KATNBL1: variants seen among roughly 807,000 people sequenced by gnomAD.
KATNBL1 encodes KATNB1-like protein 1.
KATNBL1 carries 28 observed loss-of-function variants against 44.7 expected under a neutral mutation model. That is an observed-to-expected ratio of 0.63 (90% CI 0.46 to 0.86). KATNBL1 has a LOEUF of 0.86. KATNBL1 is among the 40% of genes least tolerant of loss of function. The pLI, the probability that KATNBL1 is intolerant of heterozygous loss-of-function variation, is 0.00. For missense variants in KATNBL1, 272 were observed against 350.7 expected (o/e 0.78, Z 1.79); for synonymous variants, 78 against 114.9 (o/e 0.68, Z 2.06).
intron 1 of KATNBL1, among the ~76,000 whole-genome samples, chr15:34,174,209 T>G (rs1256374458): frequency 6.6e-6 from 1 of 152,140 alleles, no homozygotes; most frequent in African/African-American, 2.4e-5. Context: ...TAAAAAGAGG[T>G]AAGATTTCTA....
chr15:34,140,878 T>C lies in KATNBL1; in HGVS notation c.*1461A>G, dbSNP rs1341927098. ...CAATTCATGTTCACTGTGAGGAATA[T>C]CTAGCTATATAAAATATAGCTACAC... On this transcript the variant is annotated 3_prime_UTR_variant, in exon 10 of 10. Transcript: ENST00000256544. 1 of 152,144 alleles carries C rather than the reference T, an allele frequency of 6.6e-6. No individual in the cohort carries two copies. The highest frequency in any genetic ancestry group is 2.4e-5 in the African/African-American group (1 of 41,438). The allele number at this position is 152,144 out of a possible 1,614,324, so 9.4% of individuals were successfully genotyped here.
chr15:34,207,357 T>G (rs1251763935), intron 1 of KATNBL1, among the ~76,000 whole-genome samples: 1 of 152,062 alleles, frequency 6.6e-6, no homozygotes, highest in Non-Finnish European at 1.5e-5. Context: ...TACAGGCGTG[T>G]GACACCACGC....
At chr15:34,147,515 AG>A (rs1380993558) in intron 5 of KATNBL1, 85 bp from the exon 6 acceptor site, 5 of 1,064,394 alleles carry the variant, frequency 4.7e-6, no homozygotes, top group Non-Finnish European at 7.0e-6. Context: ...ACCGCTTTTG[AG>A]AAATTCATTC....
chr15:34,144,307 A>G (rs1466473216), intron 9 of KATNBL1, among the ~76,000 whole-genome samples: 1 of 151,948 alleles, frequency 6.6e-6, no homozygotes, highest in African/African-American at 2.4e-5. Context: ...GGTTTGCCCA[A>G]GCCTCTGTTT....
At chr15:34,158,044 C>T (rs913724629) in intron 2 of KATNBL1, among the ~76,000 whole-genome samples, 4 of 152,170 alleles carry the variant, frequency 2.6e-5, no homozygotes, top group Non-Finnish European at 5.9e-5. Context: ...GGCATCTTGG[C>T]GTAATCAACT....
rs1597458593 is a variant in KATNBL1, at chr15:34,191,182, TATATA to T, written c.-15+18764_-15+18768del. On this transcript the variant is annotated intron_variant, in intron 1 of 9. Transcript: ENST00000256544. ...ATATATATATATATATATATATATATATATATTTGGTAGGGCTTCTTTCACTTAGC... is the reference window on the plus strand; with the variant it reads ...ATATATATATATATATATATATATATTTTGGTAGGGCTTCTTTCACTTAGC... Among the ~76,000 whole-genome samples, 32 of 133,750 alleles carry T rather than the reference TATATA, an allele frequency of 2.4e-4. No individual in the cohort carries two copies. In the East Asian group the frequency reaches 6.4e-3, roughly 27 times the overall value. The allele number at this position is 133,750 out of a possible 152,430, so 87.7% of individuals were successfully genotyped here. A position where few individuals can be genotyped will look rare whatever the true frequency, so the allele number is the denominator to read the frequency against.
Position 34,148,625 on chromosome 15 carries a change from C to T in KATNBL1, c.557+7G>A. Reference sequence around the variant, plus strand: ...ATTGAACAAAGAGGATAAAAGGTCACACTTACCTCAACAAATAAGCTACAA... The same window carrying T: ...ATTGAACAAAGAGGATAAAAGGTCATACTTACCTCAACAAATAAGCTACAA... On this transcript the variant is annotated splice_region_variant and intron_variant, in intron 5 of 9. Coordinates refer to ENST00000256544, the MANE Select transcript of KATNBL1 (RefSeq NM_024713.3). 6.9e-7 allele frequency: 1 copy of T among 1,443,396 alleles called. No individual in the cohort carries two copies. Among genetic ancestry groups the T allele is most frequent in the Non-Finnish European group, 9.7e-7 (1 of 1,026,286 alleles). 89.4% of individuals were successfully genotyped at this position (1,443,396 alleles called of 1,614,324 possible). A position where few individuals can be genotyped will look rare whatever the true frequency, so the allele number is the denominator to read the frequency against.
At chr15:34,186,294 T>C (rs917247876) in intron 1 of KATNBL1, among the ~76,000 whole-genome samples, 1 of 152,136 alleles carries the variant, frequency 6.6e-6, no homozygotes, top group Non-Finnish European at 1.5e-5. Context: ...CCCCGCCCCT[T>C]CTGAGTTGGG....
intron 1 of KATNBL1, among the ~76,000 whole-genome samples, chr15:34,188,163 A>AAAAAAAAAAAAAAAAAAAAAAAAC (rs1889774872): frequency 6.7e-6 from 1 of 148,464 alleles, no homozygotes; most frequent in Non-Finnish European, 1.5e-5. Flanking sequence ...AAAAAAAAAA[A>AAAAAAAAAAAAAAAAAAAAAAAAC]AAGAAAATTC....
chr15:34,185,309 T>C (rs1006537470), intron 1 of KATNBL1, among the ~76,000 whole-genome samples: 4 of 152,206 alleles, frequency 2.6e-5, no homozygotes, highest in Non-Finnish European at 4.4e-5. Flanking sequence ...GATTTCTTCC[T>C]TCACTATCTC....
Position 34,152,878 on chromosome 15 carries a change from T to A in KATNBL1, c.350A>T (p.Asp117Val), listed in dbSNP as rs1336682312. The change falls in exon 4 of 10, where the codon GAT (aspartate) becomes GTT (valine). Residue 117 changes from aspartate to valine, a missense_variant. Asp to Val is a radical substitution (Grantham distance 152). Transcript: ENST00000256544. ...GGAGTTAACCAAATATGTTCGACTA[T>A]CATGGTGTAATTTTTCAGGCAGGTG... is the stretch of plus-strand genomic sequence containing the variant. ...AGHLPEKLHH[D>V]SRTYLVNSSD... 1 of 1,613,962 alleles carries A rather than the reference T, an allele frequency of 6.2e-7. No homozygotes were observed.
chr15:34,199,368 T>C (rs1595365964), intron 1 of KATNBL1, among the ~76,000 whole-genome samples: 1 of 151,888 alleles, frequency 6.6e-6, no homozygotes, highest in Non-Finnish European at 1.5e-5. Context: ...ACCCGGGAGG[T>C]GGAGGTTGCA....
At chr15:34,178,273 TAAC>T (rs1778595872) in intron 1 of KATNBL1, among the ~76,000 whole-genome samples, 1 of 152,154 alleles carries the variant, frequency 6.6e-6, no homozygotes, top group Non-Finnish European at 1.5e-5. Context: ...TCTGAGGAGA[TAAC>T]AACAGGTGGA....
At chr15:34,206,117 G>A (rs1890286763) in intron 1 of KATNBL1, among the ~76,000 whole-genome samples, 1 of 152,180 alleles carries the variant, frequency 6.6e-6, no homozygotes, top group Admixed American at 6.5e-5. Flanking sequence ...AACAGGCTTA[G>A]CGTTGCGACT....
intron 1 of KATNBL1, among the ~76,000 whole-genome samples, chr15:34,164,713 A>T (rs1888912930): frequency 6.6e-6 from 1 of 152,200 alleles, no homozygotes; most frequent in South Asian, 2.1e-4. Flanking sequence ...TTGCTCCCTT[A>T]TTCTTTCTTT....
At chr15:34,144,432 A>ATATG (rs1479581158) in intron 9 of KATNBL1, among the ~76,000 whole-genome samples, 1 of 150,688 alleles carries the variant, frequency 6.6e-6, no homozygotes, top group African/African-American at 2.4e-5. Flanking sequence ...ATATATATAT[A>ATATG]TATATTTTTA....
At chr15:34,165,741 C>T (rs987501839) in intron 1 of KATNBL1, among the ~76,000 whole-genome samples, 3 of 152,060 alleles carry the variant, frequency 2.0e-5, no homozygotes, top group African/African-American at 7.2e-5. Context: ...TTGCAGTGAG[C>T]CAAGATCATG....
chr15:34,177,516 C>T lies in KATNBL1; in HGVS notation c.-14-13826G>A, dbSNP rs1161720599. 4.6e-5 allele frequency among the ~76,000 whole-genome samples: 7 copies of T among 151,270 alleles called. No homozygotes were observed. In the East Asian group the frequency reaches 9.7e-4, roughly 21 times the overall value. ...AAAACTAGCTGAGCATGGTGGTACA[C>T]GCCTGTAATCCCAGCTACTTGGGAG... On this transcript the variant is annotated intron_variant, in intron 1 of 9. Coordinates refer to ENST00000256544, the MANE Select transcript of KATNBL1 (RefSeq NM_024713.3).
chr15:34,159,629 G>A (rs949694289), intron 2 of KATNBL1, among the ~76,000 whole-genome samples: 4 of 152,180 alleles, frequency 2.6e-5, no homozygotes, highest in African/African-American at 9.7e-5. Flanking sequence ...GGAGGAATCT[G>A]TAACCTTCCT....
Sources: allele counts gnomAD v4.1 joint callset (sites outside exome capture counted in the v4.1 genomes callset), GRCh38; gene constraint gnomAD v4.1.1; transcripts MANE v1.5; gene names NCBI Gene and HGNC (gene_info 2026-07-23, HGNC 2026-07-21).